Variants in S100Z observed in about 807,000 individuals in gnomAD.
The protein encoded by S100Z is S100 calcium binding protein Z, also known as protein S100-Z.
Under a neutral mutation model 8.5 loss-of-function variants are expected in S100Z, and 11 were observed. That is an observed-to-expected ratio of 1.30 (90% CI 0.82 to 2.15). The LOEUF is 2.15. Ranked by LOEUF, S100Z falls within the 30% of genes most tolerant of loss-of-function variation. The probability of loss-of-function intolerance (pLI) is 0.00; values close to 1 mark genes in which losing one functional copy is unlikely to be tolerated. For missense variants in S100Z, 126 were observed against 117.9 expected, an observed-to-expected ratio of 1.07 and a Z score of -0.32; for synonymous variants, 34 against 43.8, an observed-to-expected ratio of 0.78 and a Z score of 0.89.
chr5:76,853,760 G>A (rs1316600283), intron 1 of S100Z, among the ~76,000 whole-genome samples: 3 of 151,156 alleles, frequency 2.0e-5, no homozygotes, highest in African/African-American at 7.3e-5. Flanking sequence ...TAGTGCCACT[G>A]CACTCCAGCC....
At chr5:76,881,673 T>A (rs1330833755) in intron 4 of S100Z, among the ~76,000 whole-genome samples, 1 of 152,196 alleles carries the variant, frequency 6.6e-6, no homozygotes, top group Non-Finnish European at 1.5e-5. Context: ...AAGGAGATAT[T>A]TTCCTTGGTC....
intron 4 of S100Z, among the ~76,000 whole-genome samples, chr5:76,891,882 G>A (rs552995590): frequency 1.2e-3 from 183 of 152,188 alleles, no homozygotes; most frequent in Non-Finnish European, 1.9e-3. Flanking sequence ...AAGGTCTTGG[G>A]CAACTTATTT....
chr5:76,877,656 T>A lies in S100Z; in HGVS notation c.142-18T>A. On this transcript the variant is annotated intron_variant, in intron 3 of 4. Transcript: ENST00000317593. ...AACCTCAGAGCCAGGGAGTTAGAAA[T>A]TTCCTTTCTCATTTTAGTGCCAAAA... The A allele has an allele frequency of 6.4e-7, 1 of 1,555,420 alleles. No individual in the cohort carries two copies. The highest frequency in any genetic ancestry group is 8.8e-7 in the Non-Finnish European group (1 of 1,131,240).
At chr5:76,894,025 G>A (rs913012734) in intron 4 of S100Z, among the ~76,000 whole-genome samples, 6 of 152,194 alleles carry the variant, frequency 3.9e-5, no homozygotes, top group African/African-American at 1.2e-4. Flanking sequence ...ACTGGTTCAG[G>A]TCATGAAGGG....
At chr5:76,918,611 C>T (rs964626698) in intron 4 of S100Z, among the ~76,000 whole-genome samples, 3 of 152,212 alleles carry the variant, frequency 2.0e-5, no homozygotes, top group African/African-American at 7.2e-5. Context: ...ATACCTGCCT[C>T]CAGATGTGCA....
intron 1 of S100Z, among the ~76,000 whole-genome samples, chr5:76,861,461 C>T (rs1751054148): frequency 6.6e-6 from 1 of 152,160 alleles, no homozygotes; most frequent in African/African-American, 2.4e-5. Flanking sequence ...GCCTCAGTCT[C>T]CCAAGTAGCT....
intron 4 of S100Z, among the ~76,000 whole-genome samples, chr5:76,901,638 C>T (rs371954383): frequency 9.2e-5 from 14 of 151,878 alleles, no homozygotes; most frequent in Admixed American, 2.0e-4. Flanking sequence ...CCCTCTGGCC[C>T]GGGGAGGGTC....
intron 3 of S100Z, among the ~76,000 whole-genome samples, chr5:76,876,874 A>T (rs1182626670): frequency 1.3e-5 from 2 of 151,958 alleles, no homozygotes; most frequent in East Asian, 3.9e-4. Flanking sequence ...TTTTGGAAAC[A>T]CTCCTCATCA....
At chr5:76,894,213 C>T (rs1291184098) in intron 4 of S100Z, among the ~76,000 whole-genome samples, 5 of 152,236 alleles carry the variant, frequency 3.3e-5, no homozygotes, top group Non-Finnish European at 7.3e-5. Context: ...ACATTCTTCT[C>T]TGTTGATCCC....
the S100Z span, among the ~76,000 whole-genome samples, chr5:76,948,278 AT>A: frequency 6.6e-6 from 1 of 152,048 alleles, no homozygotes; most frequent in East Asian, 1.9e-4. Flanking sequence ...GTGTCCTGAG[AT>A]TATGCCACAG....
At chr5:76,910,233 C>T (rs1744600551) in intron 4 of S100Z, among the ~76,000 whole-genome samples, 2 of 152,208 alleles carry the variant, frequency 1.3e-5, no homozygotes, top group Non-Finnish European at 1.5e-5. Flanking sequence ...TCACCCAACT[C>T]ACTAGAGGGT....
At chr5:76,875,549 T>A in intron 3 of S100Z, 49 bp downstream of exon 3, 1 of 1,528,678 alleles carries the variant, frequency 6.5e-7, no homozygotes, top group Non-Finnish European at 8.8e-7. Flanking sequence ...GTAGATGAGG[T>A]GCAGATTCCA....
At chr5:76,925,380 C>T (rs370675235), downstream of S100Z, among the ~76,000 whole-genome samples, 207 of 152,212 alleles carry the variant, frequency 1.4e-3, no homozygotes, top group African/African-American at 4.8e-3. Flanking sequence ...ACCGGGGCTT[C>T]GCCTTGTGAA....
chr5:76,930,925 T>C, the S100Z span, among the ~76,000 whole-genome samples: 34 of 152,248 alleles, frequency 2.2e-4, no homozygotes, highest in African/African-American at 7.5e-4. Flanking sequence ...TTTGTGGAAA[T>C]GGACACCTAA....
At chr5:76,926,199 C>T (rs35060130), downstream of S100Z, among the ~76,000 whole-genome samples, 96,916 of 151,794 alleles carry the variant, frequency 0.64, 31,373 homozygotes, top group African/African-American at 0.68. Flanking sequence ...TCTGGCCTAA[C>T]TGCAGATATT....
intron 1 of S100Z, among the ~76,000 whole-genome samples, chr5:76,855,522 C>T (rs1163167587): frequency 6.6e-6 from 1 of 152,102 alleles, no homozygotes. Flanking sequence ...TAATGACTGC[C>T]CTGCTGGGTT....
chr5:76,859,475 GCT>G (rs1268766296), intron 1 of S100Z, among the ~76,000 whole-genome samples: 2 of 152,094 alleles, frequency 1.3e-5, no homozygotes, highest in African/African-American at 2.4e-5. Flanking sequence ...ACCGCATCCA[GCT>G]CTGTTTAAAG....
intron 4 of S100Z, among the ~76,000 whole-genome samples, chr5:76,920,204 C>T (rs894305946): frequency 2.6e-5 from 4 of 152,130 alleles, no homozygotes; most frequent in South Asian, 2.1e-4. Flanking sequence ...CCACCACGCC[C>T]GGCTCAGCCT....
chr5:76,890,187 C>T (rs1743808209), intron 4 of S100Z, among the ~76,000 whole-genome samples: 1 of 152,066 alleles, frequency 6.6e-6, no homozygotes, highest in South Asian at 2.1e-4. Flanking sequence ...CCATGCCTGG[C>T]TAATTTTTAT....
Sources: gnomAD v4.1 joint callset for allele counts (sites outside exome capture counted in the v4.1 genomes callset) on GRCh38, gnomAD v4.1.1 for gene constraint, MANE v1.5 for transcripts, NCBI Gene and HGNC (gene_info 2026-07-23, HGNC 2026-07-21) for gene names.